CNTN5: variants seen among roughly 807,000 people sequenced by gnomAD.
CNTN5 encodes the protein contactin 5, also known as contactin-5.
A neutral mutation model predicts 129.1 loss-of-function variants in CNTN5; 77 were observed. That is an observed-to-expected ratio of 0.60 (90% CI 0.50 to 0.72). The LOEUF (loss-of-function observed/expected upper bound fraction) is 0.72, where lower values mean the gene tolerates loss of function less well. Ranked by LOEUF, CNTN5 falls within the 30% of genes least tolerant of loss-of-function variation. CNTN5 has a pLI of 0.00. For synonymous variants in CNTN5, 509 were observed against 465.6 expected (o/e 1.09, Z -1.20); for missense variants, 1,478 against 1,328.8 (o/e 1.11, Z -1.75).
At chr11:99,845,451 C>A (rs1268147388) in intron 6 of CNTN5, among the ~76,000 whole-genome samples, 189 bp downstream of exon 6, 1 of 134,660 alleles carries the variant, frequency 7.4e-6, no homozygotes, top group Admixed American at 8.4e-5. Context: ...CGGCTCACTG[C>A]AAGCTCCGCC....
intron 1 of CNTN5, among the ~76,000 whole-genome samples, chr11:99,097,554 A>G (rs1333650600): frequency 6.6e-6 from 1 of 151,948 alleles, no homozygotes; most frequent in East Asian, 1.9e-4. Flanking sequence ...CCGTGCATTT[A>G]CAGAGATAAT....
intron 13 of CNTN5, among the ~76,000 whole-genome samples, chr11:100,156,875 A>G (rs995534237): frequency 6.6e-6 from 1 of 151,360 alleles, no homozygotes; most frequent in African/African-American, 2.4e-5. Context: ...TGTCTATTTG[A>G]TTCTTCTCTC....
At chr11:99,546,084 C>A (rs1001533937) in intron 2 of CNTN5, among the ~76,000 whole-genome samples, 1 of 152,088 alleles carries the variant, frequency 6.6e-6, no homozygotes, top group Non-Finnish European at 1.5e-5. Context: ...ATTCTGATGC[C>A]GAGTTTGAAT....
chr11:99,392,701 G>A lies in CNTN5; in HGVS notation c.-71+67217G>A, dbSNP rs1244916220. ...CACCTAAAAATTATCTTTGTCTTTGGGTTAATGGTAAAAAGCAAATAAATA... is the reference window on the plus strand; with the variant it reads ...CACCTAAAAATTATCTTTGTCTTTGAGTTAATGGTAAAAAGCAAATAAATA... On this transcript the variant is annotated intron_variant, in intron 2 of 24. Transcript: ENST00000524871. Among the ~76,000 whole-genome samples the A allele has an allele frequency of 4.0e-5, 6 of 151,674 alleles. No homozygotes were observed. In the East Asian group the frequency reaches 9.6e-4, roughly 24 times the overall value.
At chr11:100,235,549 A>C (rs1208025539) in intron 16 of CNTN5, among the ~76,000 whole-genome samples, 1 of 152,074 alleles carries the variant, frequency 6.6e-6, no homozygotes, top group Non-Finnish European at 1.5e-5. Flanking sequence ...AAGCAGCCCT[A>C]ACTAAGGCCC....
At position 100,087,558 on chromosome 11, in the gene CNTN5, G is replaced by C. The variant is rs1944601907; in HGVS notation, c.1580+13264G>C. On this transcript the variant is annotated intron_variant, in intron 13 of 24. Transcript: ENST00000524871. ...ATAGATGACATTATATAATGATAAA[G>C]GGTTCAATTCAACAAGAAGACTTAA... Among the ~76,000 whole-genome samples the C allele has an allele frequency of 2.6e-5, 4 of 151,904 alleles. No individual in the cohort carries two copies. The South Asian group carries it at 8.3e-4, about 31-fold the overall frequency.
intron 3 of CNTN5, among the ~76,000 whole-genome samples, chr11:99,585,031 T>G (rs1223955293): frequency 1.3e-5 from 2 of 152,230 alleles, no homozygotes; most frequent in African/African-American, 2.4e-5. Flanking sequence ...TTCCCAATTC[T>G]TAGAGACTTA....
chr11:99,537,178 G>A (rs1947932514), intron 2 of CNTN5, among the ~76,000 whole-genome samples: 2 of 152,138 alleles, frequency 1.3e-5, no homozygotes, highest in Admixed American at 1.3e-4. Flanking sequence ...TAACCACAGA[G>A]CATGAGCTCT....
Position 99,708,133 on chromosome 11 carries a change from C to G in CNTN5, c.56-111411C>G, listed in dbSNP as rs2134928653. Among the ~76,000 whole-genome samples, 2 of 151,770 alleles carry G rather than the reference C, an allele frequency of 1.3e-5. 1 individual carries two copies. Among genetic ancestry groups the G allele is most frequent in the East Asian group, 3.9e-4 (2 of 5,136 alleles). On this transcript the variant is annotated intron_variant, in intron 3 of 24. Coordinates refer to ENST00000524871, the MANE Select transcript of CNTN5 (RefSeq NM_014361.4). Reference sequence around the variant, plus strand: ...ACAACTTGTGACCTAGACCACTATTCTTGATGATGATCTTCCCCTGGCTTG... The same window carrying G: ...ACAACTTGTGACCTAGACCACTATTGTTGATGATGATCTTCCCCTGGCTTG...
chr11:99,347,762 A>G (rs1424902712), intron 2 of CNTN5, among the ~76,000 whole-genome samples: 1 of 152,190 alleles, frequency 6.6e-6, no homozygotes, highest in Non-Finnish European at 1.5e-5. Flanking sequence ...TGAGGTGGGT[A>G]GGAGTTGTTT....
intron 2 of CNTN5, among the ~76,000 whole-genome samples, chr11:99,388,843 C>T (rs898452286): frequency 6.6e-6 from 1 of 152,126 alleles, no homozygotes; most frequent in African/African-American, 2.4e-5. Flanking sequence ...TCTGCTTACA[C>T]ACAGACACAG....
chr11:100,122,429 CT>C (rs1946056010), intron 13 of CNTN5, among the ~76,000 whole-genome samples: 1 of 152,044 alleles, frequency 6.6e-6, no homozygotes, highest in African/African-American at 2.4e-5. Context: ...CTCAGACTCA[CT>C]TGCTAATCTT....
intron 2 of CNTN5, among the ~76,000 whole-genome samples, chr11:99,445,727 T>G (rs967640281): frequency 6.6e-6 from 1 of 152,174 alleles, no homozygotes. Context: ...TTTTCTTTTT[T>G]ATATTTCAGA....
intron 1 of CNTN5, among the ~76,000 whole-genome samples, chr11:99,245,459 C>T (rs976727118): frequency 1.3e-5 from 2 of 152,114 alleles, no homozygotes; most frequent in African/African-American, 4.8e-5. Context: ...ACAGGGATTA[C>T]AAGCACTGCC....
chr11:99,473,984 T>G (rs1318006693), intron 2 of CNTN5, among the ~76,000 whole-genome samples: 1 of 152,050 alleles, frequency 6.6e-6, no homozygotes, highest in Non-Finnish European at 1.5e-5. Context: ...CTACTACTTT[T>G]TACATAAAAT....
intron 14 of CNTN5, among the ~76,000 whole-genome samples, chr11:100,192,465 C>A (rs11223171): frequency 0.083 from 12,581 of 151,954 alleles, 711 homozygotes; most frequent in Non-Finnish European, 0.12. Context: ...CATAGAAGGA[C>A]ATGGAACATT....
chr11:99,608,798 A>G (rs1260604155), intron 3 of CNTN5, among the ~76,000 whole-genome samples: 1 of 152,148 alleles, frequency 6.6e-6, no homozygotes, highest in Non-Finnish European at 1.5e-5. Flanking sequence ...TCTAGTTCAC[A>G]TATGTATGTA....
chr11:100,154,429 G>C (rs1408942662), intron 13 of CNTN5, among the ~76,000 whole-genome samples: 1 of 151,672 alleles, frequency 6.6e-6, no homozygotes, highest in Non-Finnish European at 1.5e-5. Flanking sequence ...TCATTGATGG[G>C]CATTTGGGTT....
chr11:100,194,293 TC>T (rs1948578541), intron 15 of CNTN5, among the ~76,000 whole-genome samples: 1 of 151,894 alleles, frequency 6.6e-6, no homozygotes, highest in African/African-American at 2.4e-5. Flanking sequence ...AGAGGCCCCT[TC>T]CCCACATGGA....
Sources: allele counts gnomAD v4.1 joint callset (sites outside exome capture counted in the v4.1 genomes callset), GRCh38; gene constraint gnomAD v4.1.1; transcripts MANE v1.5; gene names NCBI Gene and HGNC (gene_info 2026-07-23, HGNC 2026-07-21).